Variants in GCNT1 observed in about 807,000 individuals in gnomAD.
GCNT1 encodes beta-1,3-galactosyl-O-glycosyl-glycoprotein beta-1,6-N-acetylglucosaminyltransferase.
GCNT1 carries 16 observed loss-of-function variants against 26.2 expected under a neutral mutation model. The ratio of observed to expected loss-of-function variants is 0.61; its 90% CI spans 0.41 to 0.93. The LOEUF (loss-of-function observed/expected upper bound fraction) is 0.93. Ranked by LOEUF, GCNT1 falls within the 40% of genes least tolerant of loss-of-function variation. The pLI is 0.00. For missense variants in GCNT1, 477 were observed against 526.7 expected (o/e 0.91, Z 0.92); for synonymous variants, 183 against 190.8 (o/e 0.96, Z 0.34).
chr9:76,487,071 C>G (rs1403950255), intron 2 of GCNT1, among the ~76,000 whole-genome samples: 1 of 152,178 alleles, frequency 6.6e-6, no homozygotes, highest in Non-Finnish European at 1.5e-5. Context: ...GAGTCACAGA[C>G]AGGTATCAGA....
intron 2 of GCNT1, among the ~76,000 whole-genome samples, chr9:76,475,654 C>T (rs948221559): frequency 2.5e-4 from 38 of 152,188 alleles, no homozygotes; most frequent in South Asian, 1.0e-3. Context: ...GATAGCTTCA[C>T]GGAGACAGAG....
chr9:76,470,805 T>G (rs1824116097), intron 2 of GCNT1, among the ~76,000 whole-genome samples: 1 of 152,156 alleles, frequency 6.6e-6, no homozygotes, highest in Admixed American at 6.5e-5. Flanking sequence ...TAATGTGCAA[T>G]TTGCAGACGT....
chr9:76,426,138 T>TA (rs373085142), intron 1 of GCNT1, among the ~76,000 whole-genome samples: 6 of 152,288 alleles, frequency 3.9e-5, no homozygotes, highest in African/African-American at 1.4e-4. Context: ...AAAGGGCTGT[T>TA]ATCATCTTTG....
At chr9:76,497,786 G>A (rs1042426280) in intron 2 of GCNT1, among the ~76,000 whole-genome samples, 2 of 152,010 alleles carry the variant, frequency 1.3e-5, no homozygotes, top group African/African-American at 2.4e-5. Context: ...AAGACTCAGC[G>A]GTGTCACAAT....
chr9:76,426,597 A>AT (rs1823260289), intron 1 of GCNT1, among the ~76,000 whole-genome samples: 1 of 152,058 alleles, frequency 6.6e-6, no homozygotes, highest in African/African-American at 2.4e-5. Context: ...ATTAAATTAG[A>AT]TAATAAATTT....
At position 76,505,313 on chromosome 9, in the gene GCNT1, G is replaced by A. The variant is rs1218304003; in HGVS notation, c.*1645G>A. On this transcript the variant is annotated 3_prime_UTR_variant, in exon 4 of 4. Coordinates refer to ENST00000376730, the MANE Select transcript of GCNT1 (RefSeq NM_001490.5). Reference sequence around the variant, plus strand: ...TAAACTTTTATCATCATTTGTAAATGTGGAAGTTGGTGGATTGCTGTGTTT... The same window carrying A: ...TAAACTTTTATCATCATTTGTAAATATGGAAGTTGGTGGATTGCTGTGTTT... 1 of 176,178 alleles carries A rather than the reference G, an allele frequency of 5.7e-6. No individual in the cohort carries two copies. Among genetic ancestry groups the A allele is most frequent in the Non-Finnish European group, 1.3e-5 (1 of 74,474 alleles). 10.9% of individuals were successfully genotyped at this position (176,178 alleles called of 1,614,324 possible). A position where few individuals can be genotyped will look rare whatever the true frequency, so the allele number is the denominator to read the frequency against.
chr9:76,472,269 C>G (rs145950708), intron 2 of GCNT1, among the ~76,000 whole-genome samples: 1 of 152,064 alleles, frequency 6.6e-6, no homozygotes, highest in Admixed American at 6.6e-5. Context: ...GGCAACAGAG[C>G]GAGACTTTGT....
chr9:76,467,656 C>T (rs1379578442), intron 2 of GCNT1, among the ~76,000 whole-genome samples: 2 of 152,116 alleles, frequency 1.3e-5, no homozygotes, highest in Non-Finnish European at 2.9e-5. Context: ...GTTAAAGCCA[C>T]TCTTCTGTGT....
intron 2 of GCNT1, among the ~76,000 whole-genome samples, chr9:76,461,220 G>C (rs867184255): frequency 7.8e-6 from 1 of 128,672 alleles, no homozygotes; most frequent in African/African-American, 3.0e-5. Context: ...TTTTTTCCAC[G>C]AATAGCTGAG....
At chr9:76,454,156 G>A (rs1417800494) in intron 1 of GCNT1, among the ~76,000 whole-genome samples, 1 of 151,978 alleles carries the variant, frequency 6.6e-6, no homozygotes, top group African/African-American at 2.4e-5. Flanking sequence ...CAAGGTGGGA[G>A]GATCACCTGA....
chr9:76,489,422 T>C (rs1264810122), intron 2 of GCNT1, among the ~76,000 whole-genome samples: 1 of 152,090 alleles, frequency 6.6e-6, no homozygotes, highest in East Asian at 1.9e-4. Flanking sequence ...GCAAGATTTA[T>C]TGTGAAGAGC....
At chr9:76,412,058 T>C in the GCNT1 span, among the ~76,000 whole-genome samples, 1 of 152,174 alleles carries the variant, frequency 6.6e-6, no homozygotes. Context: ...GCAATATACA[T>C]TTACAACTAA....
chr9:76,428,664 C>T (rs13295158), intron 1 of GCNT1, among the ~76,000 whole-genome samples: 4,675 of 151,434 alleles, frequency 0.031, 96 homozygotes, highest in Non-Finnish European at 0.048. Context: ...TTTCAAGATA[C>T]CTTTACTTTG....
intron 2 of GCNT1, among the ~76,000 whole-genome samples, chr9:76,477,671 G>A (rs1824285296): frequency 6.6e-6 from 1 of 152,140 alleles, no homozygotes; most frequent in African/African-American, 2.4e-5. Flanking sequence ...TTAAATCTGA[G>A]GAAATTCAGT....
At chr9:76,492,905 C>A (rs1003413276) in intron 2 of GCNT1, among the ~76,000 whole-genome samples, 1 of 151,942 alleles carries the variant, frequency 6.6e-6, no homozygotes, top group African/African-American at 2.4e-5. Flanking sequence ...ACCGAGGTTG[C>A]GAGGTTTAAT....
chr9:76,449,097 TG>T (rs548383435), intron 1 of GCNT1, among the ~76,000 whole-genome samples: 113 of 152,152 alleles, frequency 7.4e-4, no homozygotes, highest in African/African-American at 2.5e-3. Flanking sequence ...GAGGCTGAAG[TG>T]AGAAGATCCC....
upstream of GCNT1, among the ~76,000 whole-genome samples, chr9:76,455,823 G>A (rs902634312): frequency 9.9e-5 from 15 of 152,188 alleles, no homozygotes; most frequent in African/African-American, 3.4e-4. Flanking sequence ...GCTGGAACTC[G>A]AACTCCTTAC....
At chr9:76,411,986 G>A in the GCNT1 span, among the ~76,000 whole-genome samples, 1 of 152,094 alleles carries the variant, frequency 6.6e-6, no homozygotes, top group Non-Finnish European at 1.5e-5. Context: ...ACAGGCATGA[G>A]CCACCATGCC....
chr9:76,500,391 A>T (rs1825032027), intron 2 of GCNT1, among the ~76,000 whole-genome samples: 1 of 152,184 alleles, frequency 6.6e-6, no homozygotes, highest in Non-Finnish European at 1.5e-5. Context: ...AATTACTTAA[A>T]GGCATACTTT....
Sources: allele counts gnomAD v4.1 joint callset (sites outside exome capture counted in the v4.1 genomes callset), GRCh38; gene constraint gnomAD v4.1.1; transcripts MANE v1.5; gene names NCBI Gene and HGNC (gene_info 2026-07-23, HGNC 2026-07-21).